The following SAMSN1 variants were observed in gnomAD, a reference collection of about 807,000 sequenced individuals.
SAMSN1 encodes the protein SAM domain-containing protein SAMSN-1.
A neutral mutation model predicts 42.0 loss-of-function variants in SAMSN1; 31 were observed. That is an observed-to-expected ratio of 0.74 (90% CI 0.55 to 1.00). The LOEUF (loss-of-function observed/expected upper bound fraction) is 1.00, where lower values mean the gene tolerates loss of function less well. Ranked by LOEUF, SAMSN1 falls within the 50% of genes least tolerant of loss-of-function variation. The pLI is 0.00. For synonymous variants in SAMSN1, 178 were observed against 151.9 expected (o/e 1.17, Z -1.26); for missense variants, 464 against 439.4 (o/e 1.06, Z -0.50).
chr21:14,581,195 G>A (rs1328636629), intron 2 of SAMSN1, among the ~76,000 whole-genome samples: 2 of 151,872 alleles, frequency 1.3e-5, no homozygotes, highest in African/African-American at 2.4e-5. Context: ...ACACTCTAAT[G>A]TAGTAGCTAA....
intron 2 of SAMSN1, among the ~76,000 whole-genome samples, chr21:14,562,557 T>C (rs1980980051): frequency 6.7e-6 from 1 of 149,878 alleles, no homozygotes; most frequent in Non-Finnish European, 1.5e-5. Flanking sequence ...TGTATGTATA[T>C]AATACTATAT....
intron 7 of SAMSN1, among the ~76,000 whole-genome samples, chr21:14,490,548 C>A (rs543833242): frequency 6.6e-6 from 1 of 152,176 alleles, no homozygotes; most frequent in Non-Finnish European, 1.5e-5. Flanking sequence ...GACAACATGG[C>A]ATGTCTCTCA....
chr21:14,610,281 C>A (rs1982670318), intron 4 of SAMSN1, among the ~76,000 whole-genome samples: 1 of 152,082 alleles, frequency 6.6e-6, no homozygotes, highest in South Asian at 2.1e-4. Context: ...AAAATGGCCA[C>A]CCTAGGAGTG....
At position 14,657,302 on chromosome 21, in the gene SAMSN1, A is replaced by C. The variant is rs1360287695; in HGVS notation, c.24+1446T>G. On this transcript the variant is annotated intron_variant, in intron 1 of 15. Transcript: ENST00000647101. ...TCTTGATGGTTCCGTCTAATGAAAT[A>C]TGTTTCTGAACAAGTAACTTCTTAA... 2.0e-5 allele frequency among the ~76,000 whole-genome samples: 3 copies of C among 152,012 alleles called. No homozygotes were observed. The East Asian group carries it at 5.8e-4, about 29-fold the overall frequency.
intron 2 of SAMSN1, among the ~76,000 whole-genome samples, chr21:14,626,248 G>A (rs1438016081): frequency 6.6e-6 from 1 of 152,128 alleles, no homozygotes; most frequent in East Asian, 1.9e-4. Flanking sequence ...AATACCAAAA[G>A]CAATGGCAAC....
intron 2 of SAMSN1, among the ~76,000 whole-genome samples, chr21:14,517,508 T>A (rs537961996): frequency 1.3e-5 from 2 of 152,346 alleles, no homozygotes; most frequent in South Asian, 4.1e-4. Flanking sequence ...ATTGAGATGA[T>A]TGTGGTTATT....
intron 1 of SAMSN1, among the ~76,000 whole-genome samples, chr21:14,522,619 G>T (rs1299801884): frequency 6.6e-6 from 1 of 152,078 alleles, no homozygotes; most frequent in African/African-American, 2.4e-5. Context: ...TAGGCTACTT[G>T]AAATCACAAG....
chr21:14,628,890 G>C (rs561930496), intron 2 of SAMSN1, among the ~76,000 whole-genome samples: 1 of 152,182 alleles, frequency 6.6e-6, no homozygotes, highest in South Asian at 2.1e-4. Flanking sequence ...CAATCTGTAG[G>C]GTTGATACTA....
intron 6 of SAMSN1, among the ~76,000 whole-genome samples, chr21:14,600,075 G>A (rs1982388365): frequency 6.6e-6 from 1 of 152,056 alleles, no homozygotes; most frequent in Non-Finnish European, 1.5e-5. Context: ...CTCCAGTTGA[G>A]GCTGATACAG....
At chr21:14,555,919 A>T (rs888673737) in intron 2 of SAMSN1, among the ~76,000 whole-genome samples, 3 of 152,200 alleles carry the variant, frequency 2.0e-5, no homozygotes, top group African/African-American at 7.2e-5. Flanking sequence ...TGAACATAGT[A>T]CACCTCGTGT....
At chr21:14,539,743 C>T (rs1568797513) in intron 1 of SAMSN1, among the ~76,000 whole-genome samples, 1 of 152,036 alleles carries the variant, frequency 6.6e-6, no homozygotes, top group Non-Finnish European at 1.5e-5. Flanking sequence ...GATTCAATGC[C>T]ATACCCATCA....
At chr21:14,563,951 C>T (rs1028917421) in intron 2 of SAMSN1, among the ~76,000 whole-genome samples, 1 of 152,104 alleles carries the variant, frequency 6.6e-6, no homozygotes, top group Non-Finnish European at 1.5e-5. Context: ...CCAAAAATAG[C>T]TTGTATCTGC....
In SAMSN1 at chr21:14,512,375, T is replaced by G. The variant is rs535541810; in HGVS notation, c.409+69A>C. ...GCTGGAACCTTGTGGCTGATTTAACTTGTTGTTTTTTAATTAATTTAACCC... is the reference window on the plus strand; with the variant it reads ...GCTGGAACCTTGTGGCTGATTTAACGTGTTGTTTTTTAATTAATTTAACCC... On this transcript the variant is annotated intron_variant, in intron 4 of 7. Coordinates refer to ENST00000400566, the MANE Select transcript of SAMSN1 (RefSeq NM_022136.5). The G allele has an allele frequency of 7.1e-4, 1,089 of 1,541,230 alleles. 5 individuals are homozygous for G. The highest frequency in any genetic ancestry group is 1.1e-3 in the Admixed American group (65 of 57,856).
intron 2 of SAMSN1, among the ~76,000 whole-genome samples, chr21:14,570,613 C>G (rs574826927): frequency 6.6e-6 from 1 of 152,180 alleles, no homozygotes; most frequent in Non-Finnish European, 1.5e-5. Context: ...ACTTTTGAAA[C>G]TGACATTTCT....
intron 4 of SAMSN1, 50 bp from the exon 5 acceptor site, chr21:14,510,511 G>A (rs765883317): frequency 6.3e-7 from 1 of 1,599,410 alleles, no homozygotes; most frequent in Non-Finnish European, 8.6e-7. Flanking sequence ...ATAACATTCT[G>A]AATCATCATC....
At chr21:14,514,546 C>T (rs1454241640) in intron 3 of SAMSN1, among the ~76,000 whole-genome samples, 1 of 152,112 alleles carries the variant, frequency 6.6e-6, no homozygotes, top group Non-Finnish European at 1.5e-5. Flanking sequence ...GAATAGTTTA[C>T]ATGGAGAAAT....
intron 6 of SAMSN1, among the ~76,000 whole-genome samples, chr21:14,596,907 AT>A (rs1490941146): frequency 6.6e-6 from 1 of 152,054 alleles, no homozygotes; most frequent in South Asian, 2.1e-4. Context: ...CTGTGAAATA[AT>A]TTTTTTTGTT....
intron 2 of SAMSN1, among the ~76,000 whole-genome samples, chr21:14,639,538 C>T (rs1983544844): frequency 6.6e-6 from 1 of 152,070 alleles, no homozygotes; most frequent in Admixed American, 6.6e-5. Context: ...CTTAAAAGTC[C>T]CACCTGTCAA....
chr21:14,516,175 A>C (rs1041625837), intron 3 of SAMSN1, among the ~76,000 whole-genome samples: 1 of 152,230 alleles, frequency 6.6e-6, no homozygotes, highest in African/African-American at 2.4e-5. Context: ...AAAATTGAAC[A>C]GAAGTATCTG....
Sources: allele counts gnomAD v4.1 joint callset (sites outside exome capture counted in the v4.1 genomes callset), GRCh38; gene constraint gnomAD v4.1.1; transcripts MANE v1.5; gene names NCBI Gene and HGNC (gene_info 2026-07-23, HGNC 2026-07-21).